Variants in COL5A2 observed in about 807,000 individuals in gnomAD.
The protein encoded by COL5A2 is collagen alpha-2(V) chain.
A neutral mutation model predicts 208.2 loss-of-function variants in COL5A2; 23 were observed. That is an observed-to-expected ratio of 0.11 (90% CI 0.08 to 0.16). The LOEUF (loss-of-function observed/expected upper bound fraction) is 0.16. COL5A2 is among the 10% of genes least tolerant of loss of function. The pLI, the probability that COL5A2 is intolerant of heterozygous loss-of-function variation, is 1.00. For missense variants in COL5A2, 1,590 were observed against 1,956.4 expected, an observed-to-expected ratio of 0.81 and a Z score of 3.53; for synonymous variants, 625 against 628.5, an observed-to-expected ratio of 0.99 and a Z score of 0.08.
At chr2:189,046,815 GAAAAAAA>G (rs112684457) in intron 45 of COL5A2, among the ~76,000 whole-genome samples, 1 of 136,074 alleles carries the variant, frequency 7.3e-6, no homozygotes, top group East Asian at 2.1e-4. Flanking sequence ...TCAAGGTTTT[GAAAAAAA>G]AAAAAAAATA....
the COL5A2 span, among the ~76,000 whole-genome samples, chr2:189,331,934 A>G: frequency 5.8e-4 from 87 of 149,382 alleles, 1 homozygote; most frequent in Non-Finnish European, 8.9e-5. Flanking sequence ...TGGGCGACAG[A>G]GCAAGACTCC....
At chr2:189,369,282 A>G in the COL5A2 span, among the ~76,000 whole-genome samples, 1 of 152,112 alleles carries the variant, frequency 6.6e-6, no homozygotes, top group Non-Finnish European at 1.5e-5. Context: ...TTTTATTAAT[A>G]TCACTACCCT....
At chr2:189,081,079 A>T in intron 12 of COL5A2, 36 bp from the exon 13 acceptor site, 1 of 1,563,964 alleles carries the variant, frequency 6.4e-7, no homozygotes. Context: ...TTTTACAGTC[A>T]TTAATAAGGA....
the COL5A2 span, among the ~76,000 whole-genome samples, chr2:189,383,396 T>C: frequency 1.3e-5 from 2 of 152,178 alleles, no homozygotes; most frequent in Non-Finnish European, 2.9e-5. Context: ...ATTTCACCTT[T>C]AATGTCCCTA....
intron 1 of COL5A2, among the ~76,000 whole-genome samples, chr2:189,207,081 A>T (rs1390343797): frequency 6.6e-6 from 1 of 152,226 alleles, no homozygotes; most frequent in Non-Finnish European, 1.5e-5. Flanking sequence ...CACTTAAAAG[A>T]TTGGAAAATA....
At chr2:189,078,635 C>T in intron 15 of COL5A2, 66 bp from the exon 16 acceptor site, 6 of 1,228,610 alleles carry the variant, frequency 4.9e-6, no homozygotes, top group East Asian at 4.6e-5. Context: ...AGTCTGACTA[C>T]CCCACTCAAT....
the COL5A2 span, among the ~76,000 whole-genome samples, chr2:189,418,908 A>G: frequency 6.6e-6 from 1 of 152,212 alleles, no homozygotes; most frequent in Non-Finnish European, 1.5e-5. Flanking sequence ...GCCTCTGTTC[A>G]TAAGACCAAG....
chr2:189,155,337 T>C (rs1042353752), intron 1 of COL5A2, among the ~76,000 whole-genome samples: 3 of 139,160 alleles, frequency 2.2e-5, no homozygotes, highest in Non-Finnish European at 4.6e-5. Context: ...ATTTATTTTA[T>C]AGCACATACT....
At chr2:189,408,389 GAAGA>G in the COL5A2 span, among the ~76,000 whole-genome samples, 2 of 152,190 alleles carry the variant, frequency 1.3e-5, no homozygotes, top group African/African-American at 4.8e-5. Flanking sequence ...TGTGATGCGG[GAAGA>G]AAGTACATAC....
Position 189,088,685 on chromosome 2 carries a change from T to G in COL5A2, c.645+10A>C. 6.2e-7 allele frequency: 1 copy of G among 1,609,786 alleles called. No homozygotes were observed. The stretch of plus-strand genomic sequence containing the variant: ...GAAGTACTTCAATGATCAGTAAAAT[T>G]TATGCTTACCACAGAGCCAGGCATT... On this transcript the variant is annotated intron_variant, in intron 8 of 53. Coordinates refer to ENST00000374866, the MANE Select transcript of COL5A2 (RefSeq NM_000393.5).
At chr2:189,233,338 TGTAGCCACAA>T in the COL5A2 span, among the ~76,000 whole-genome samples, 1 of 151,742 alleles carries the variant, frequency 6.6e-6, no homozygotes, top group Non-Finnish European at 1.5e-5. Context: ...CAAAGCTACA[TGTAGCCACAA>T]GTTGAGGTAA....
chr2:189,222,741 A>T (rs13015283), intron 1 of COL5A2, among the ~76,000 whole-genome samples: 88,322 of 152,016 alleles, frequency 0.58, 26,919 homozygotes, highest in East Asian at 0.72. Flanking sequence ...CCTCCTCAGA[A>T]GGGGCAGTTG....
At chr2:189,408,760 T>G in the COL5A2 span, among the ~76,000 whole-genome samples, 1 of 152,198 alleles carries the variant, frequency 6.6e-6, no homozygotes, top group African/African-American at 2.4e-5. Flanking sequence ...TGAAAGGCAC[T>G]TCATTTAATA....
chr2:189,367,729 C>T, the COL5A2 span, among the ~76,000 whole-genome samples: 1 of 152,180 alleles, frequency 6.6e-6, no homozygotes, highest in Non-Finnish European at 1.5e-5. Flanking sequence ...TTTATATTTC[C>T]AGTATCAAGT....
the COL5A2 span, among the ~76,000 whole-genome samples, chr2:189,328,902 G>T: frequency 5.9e-5 from 9 of 152,178 alleles, no homozygotes; most frequent in African/African-American, 2.2e-4. Context: ...TTACAGAAAT[G>T]TGATGGTTGA....
At chr2:189,071,978 T>A (rs909048755) in intron 18 of COL5A2, 62 bp downstream of exon 18, 1 of 1,102,946 alleles carries the variant, frequency 9.1e-7, no homozygotes, top group East Asian at 2.4e-5. Context: ...ATGTCATTCT[T>A]CACTTTGGGA....
intron 1 of COL5A2, among the ~76,000 whole-genome samples, chr2:189,192,890 G>C (rs1046487642): frequency 1.3e-5 from 2 of 152,228 alleles, no homozygotes; most frequent in African/African-American, 4.8e-5. Flanking sequence ...CCTATCACAA[G>C]AGTGTGCTAC....
the COL5A2 span, among the ~76,000 whole-genome samples, chr2:189,232,541 T>A: frequency 6.6e-6 from 1 of 151,728 alleles, no homozygotes; most frequent in East Asian, 1.9e-4. Flanking sequence ...GGAGTGAGTT[T>A]CAGGGAAAAG....
intron 1 of COL5A2, among the ~76,000 whole-genome samples, chr2:189,185,090 C>T (rs1688833234): frequency 6.6e-6 from 1 of 151,684 alleles, no homozygotes; most frequent in African/African-American, 2.4e-5. Context: ...ATGGCATGAT[C>T]TTGGCTCACT....
Sources: allele counts gnomAD v4.1 joint callset (sites outside exome capture counted in the v4.1 genomes callset), GRCh38; gene constraint gnomAD v4.1.1; transcripts MANE v1.5; gene names NCBI Gene and HGNC (gene_info 2026-07-23, HGNC 2026-07-21).